Variants in SDF4 observed in about 807,000 individuals in gnomAD.
SDF4 encodes the protein stromal cell derived factor 4, also known as 45 kDa calcium-binding protein.
In SDF4, 22 loss-of-function variants were observed where a neutral mutation model predicts 34.2. The observed-to-expected ratio is 0.64, with a 90% CI of 0.46 to 0.92. The LOEUF (loss-of-function observed/expected upper bound fraction) is 0.92, where lower values mean the gene tolerates loss of function less well. SDF4 is among the 40% of genes least tolerant of loss of function. The pLI is 0.00. For missense variants in SDF4, 447 were observed against 499.9 expected (o/e 0.89, Z 1.01); for synonymous variants, 236 against 203.1 (o/e 1.16, Z -1.38).
intron 4 of SDF4, chr1:1,219,990 G>T: frequency 1.0e-6 from 1 of 985,066 alleles, no homozygotes; most frequent in Non-Finnish European, 1.2e-6. Flanking sequence ...GTGGTTCCTG[G>T]GGCACCCCTC....
In SDF4 at chr1:1,223,369, G is replaced by C; in HGVS notation, c.443-12C>G. 1.3e-6 allele frequency: 2 copies of C among 1,569,760 alleles called. No homozygotes were observed. The highest frequency in any genetic ancestry group is 1.7e-6 in the Non-Finnish European group (2 of 1,143,746). On this transcript the variant is annotated splice_polypyrimidine_tract_variant and intron_variant, in intron 3 of 6. Coordinates refer to ENST00000360001, the MANE Select transcript of SDF4 (RefSeq NM_016176.6). ...CCAAGACACGTGACCTGGAAGAGCAGATCACACCTGTCAGGGCCTCTGATA... is the reference window on the plus strand; with the variant it reads ...CCAAGACACGTGACCTGGAAGAGCACATCACACCTGTCAGGGCCTCTGATA...
Position 1,220,005 on chromosome 1 carries a change from T to A in SDF4, c.557-1078A>T, listed in dbSNP as rs867325001. ...GTGGTTCCTGGGGCACCCCTCCCTG[T>A]CTGCTCCACCGCAGCTCCTGGGATG... On this transcript the variant is annotated intron_variant, in intron 4 of 6. Coordinates refer to ENST00000360001, the MANE Select transcript of SDF4 (RefSeq NM_016176.6). The A allele has an allele frequency of 5.1e-6, 5 of 985,596 alleles. No homozygotes were observed. In the African/African-American group the frequency reaches 8.7e-5, roughly 17 times the overall value. The allele number at this position is 985,596 out of a possible 1,614,324, so 61.1% of individuals were successfully genotyped here.
chr1:1,225,246 G>C (rs1638264621), intron 2 of SDF4, among the ~76,000 whole-genome samples: 1 of 152,244 alleles, frequency 6.6e-6, no homozygotes, highest in African/African-American at 2.4e-5. Context: ...AGGGCTTCCA[G>C]AGGTGCGAGG....
chr1:1,225,992 A>G (rs1638295530), intron 2 of SDF4, among the ~76,000 whole-genome samples: 1 of 152,232 alleles, frequency 6.6e-6, no homozygotes, highest in African/African-American at 2.4e-5. Context: ...ACGTGTACAC[A>G]GCACACACAC....
chr1:1,220,083 C>T, intron 4 of SDF4: 1 of 986,638 alleles, frequency 1.0e-6, no homozygotes, highest in Non-Finnish European at 1.2e-6. Flanking sequence ...ACGCCCCAGA[C>T]AGGCCGGCCG....
Position 1,218,723 on chromosome 1 carries a change from T to C in SDF4, c.715+46A>G. The C allele has an allele frequency of 6.2e-7, 1 of 1,611,642 alleles. No homozygotes were observed. Among genetic ancestry groups the C allele is most frequent in the East Asian group, 2.2e-5 (1 of 44,784 alleles). ...CCCGACGATGCCCGGCCCCTGCCAGTCGGTCCTGGGTCCTGGCGTGCCGGC... is the reference window on the plus strand; with the variant it reads ...CCCGACGATGCCCGGCCCCTGCCAGCCGGTCCTGGGTCCTGGCGTGCCGGC... On this transcript the variant is annotated intron_variant, in intron 5 of 6. Transcript: ENST00000360001. This position sits in a 1 kb window ranked among gnomAD's most constrained non-coding sequence, Gnocchi z 7.9.
chr1:1,231,170 C>T (rs546797457), intron 1 of SDF4, among the ~76,000 whole-genome samples: 11 of 152,362 alleles, frequency 7.2e-5, no homozygotes, highest in Middle Eastern at 3.4e-3. Context: ...CCTCTCCTGG[C>T]TTCAGAGTAT....
In SDF4 at chr1:1,218,583, C is replaced by T. The variant is rs760620791; in HGVS notation, c.766G>A (p.Val256Met). Reference protein sequence around the residue: ...LSVPEFISLPVGTVENQQGQD... With the variant: ...LSVPEFISLPMGTVENQQGQD... Reference sequence around the variant, plus strand: ...CCCTGCTGGTTCTCCACGGTGCCCACGGGCAGGGAGATGAACTCGGGCACA... The same window carrying T: ...CCCTGCTGGTTCTCCACGGTGCCCATGGGCAGGGAGATGAACTCGGGCACA... Residue 256 changes from valine (V) to methionine (M), a missense_variant, in exon 6 of 7, where the codon GTG becomes ATG. Physicochemically the swap from Val to Met is conservative, Grantham distance 21 (BLOSUM62 1). Transcript: ENST00000360001. This position sits in a 1 kb window ranked among gnomAD's most constrained non-coding sequence, Gnocchi z 7.9. The T allele has an allele frequency of 9.9e-6, 16 of 1,614,112 alleles. No homozygotes were observed. The highest frequency in any genetic ancestry group is 8.9e-5 in the East Asian group (4 of 44,884).
chr1:1,218,866 G>C lies in SDF4; in HGVS notation c.618C>G (p.Asp206Glu). 6.3e-7 allele frequency: 1 copy of C among 1,598,418 alleles called. No homozygotes were observed. Among genetic ancestry groups the C allele is most frequent in the East Asian group, 2.2e-5 (1 of 44,560 alleles). ...RWYQADSPPA[D>E]LLLTEEEFLS... Reference sequence around the variant, plus strand: ...GGAACTCCTCCTCCGTCAGCAGCAGGTCTGCAGGGGGGCTGTCCGCCTGGT... The same window carrying C: ...GGAACTCCTCCTCCGTCAGCAGCAGCTCTGCAGGGGGGCTGTCCGCCTGGT... Residue 206 changes from aspartate (D) to glutamate (E), a missense_variant, in exon 5 of 7, where the codon GAC becomes GAG. Transcript: ENST00000360001. This position sits in a 1 kb window ranked among gnomAD's most constrained non-coding sequence, Gnocchi z 7.9.
At chr1:1,225,977 T>A (rs1354925098) in intron 2 of SDF4, among the ~76,000 whole-genome samples, 1 of 152,170 alleles carries the variant, frequency 6.6e-6, no homozygotes, top group Non-Finnish European at 1.5e-5. Context: ...CACAGGCCGG[T>A]ACCCACGTGT....
intron 4 of SDF4, chr1:1,220,953 G>A: frequency 2.7e-6 from 1 of 369,514 alleles, no homozygotes; most frequent in Non-Finnish European, 5.2e-6. Context: ...TTTTGGAAAG[G>A]AAGTAATAAC....
chr1:1,221,254 C>A, intron 4 of SDF4: 1 of 163,364 alleles, frequency 6.1e-6, no homozygotes, highest in Non-Finnish European at 1.3e-5. Context: ...GCCTGCAACC[C>A]CAGGATGGGG....
In SDF4 at chr1:1,220,569, G is replaced by A. The variant is rs997686524; in HGVS notation, c.557-1642C>T. The stretch of plus-strand genomic sequence containing the variant: ...TCCTAGGCACCCTGAGGTCGGGGAG[G>A]CCAAGACGGATCGGACACGGGTGGG... On this transcript the variant is annotated intron_variant, in intron 4 of 6. Transcript: ENST00000360001. 103 of 1,281,308 alleles carry A rather than the reference G, an allele frequency of 8.0e-5. 1 individual carries two copies. In the African/African-American group the frequency reaches 1.5e-3, roughly 18 times the overall value. The allele number at this position is 1,281,308 out of a possible 1,614,324, so 79.4% of individuals were successfully genotyped here. A position where few individuals can be genotyped will look rare whatever the true frequency, so the allele number is the denominator to read the frequency against.
At position 1,228,767 on chromosome 1, in the gene SDF4, C is replaced by G. The variant is rs758783783; in HGVS notation, c.6G>C (p.Ala2=). The change falls in exon 2 of 7, where the codon GCG becomes GCC. Residue 2 remains alanine, a synonymous_variant. Transcript: ENST00000360001. M[A]SRWGPLIGLA... Reference sequence around the variant, plus strand: ...GGCCAATGAGGGGACCCCACCTGGACGCCATCGCCACCCAGGGCCAGACCA... The same window carrying G: ...GGCCAATGAGGGGACCCCACCTGGAGGCCATCGCCACCCAGGGCCAGACCA... The G allele has an allele frequency of 6.2e-7, 1 of 1,606,756 alleles. No homozygotes were observed. The highest frequency in any genetic ancestry group is 8.5e-7 in the Non-Finnish European group (1 of 1,178,372).
intron 2 of SDF4, among the ~76,000 whole-genome samples, chr1:1,224,208 T>C: frequency 6.6e-6 from 1 of 151,974 alleles, no homozygotes; most frequent in Non-Finnish European, 1.5e-5. Context: ...ACATGGACCC[T>C]CCCCCTCTGT....
At chr1:1,220,587 C>T (rs1649886066) in intron 4 of SDF4, 29 of 1,285,922 alleles carry the variant, frequency 2.3e-5, no homozygotes, top group Non-Finnish European at 2.7e-5. Flanking sequence ...GGATCGGACA[C>T]GGGTGGGCAG....
Position 1,228,954 on chromosome 1 carries a change from G to A in SDF4, c.-174-8C>T. 1 of 604,654 alleles carries A rather than the reference G, an allele frequency of 1.7e-6. No homozygotes were observed. Among genetic ancestry groups the A allele is most frequent in the South Asian group, 2.0e-5 (1 of 49,924 alleles). The allele number at this position is 604,654 out of a possible 1,614,324, so 37.5% of individuals were successfully genotyped here. A position where few individuals can be genotyped will look rare whatever the true frequency, so the allele number is the denominator to read the frequency against. On this transcript the variant is annotated splice_polypyrimidine_tract_variant and splice_region_variant and intron_variant, in intron 1 of 6. Transcript: ENST00000360001. ...GGACAAGCAGCTCACAGTCTGCAGA[G>A]AGACACAGACACATCATTAGCAAGA...
intron 4 of SDF4, among the ~76,000 whole-genome samples, chr1:1,221,972 T>C (rs1649987889): frequency 6.6e-6 from 1 of 152,120 alleles, no homozygotes; most frequent in Non-Finnish European, 1.5e-5. Flanking sequence ...AAGAGGTGGT[T>C]TGCCTTGAGA....
intron 4 of SDF4, chr1:1,220,424 T>G (rs11809575): frequency 1.4e-5 from 17 of 1,180,202 alleles, no homozygotes; most frequent in Non-Finnish European, 1.6e-5. Context: ...GCAGGAGCCA[T>G]GCAGGGAGGG....
Sources: allele counts gnomAD v4.1 joint callset (sites outside exome capture counted in the v4.1 genomes callset), GRCh38; gene constraint gnomAD v4.1.1; non-coding constraint Gnocchi (gnomAD v3.1); transcripts MANE v1.5; gene names NCBI Gene and HGNC (gene_info 2026-07-23, HGNC 2026-07-21).